Variants in CFAP96 observed in about 807,000 individuals in gnomAD.
CFAP96 encodes cilia and flagella associated protein 96.
At chr4:185,418,358 T>A in the CFAP96 span, 1 of 1,083,810 alleles carries the variant, frequency 9.2e-7, no homozygotes, top group Non-Finnish European at 1.3e-6. Context: ...ATAAGAGGGT[T>A]AAATTATTTC....
chr4:185,426,013 C>T, the CFAP96 span: 1 of 913,616 alleles, frequency 1.1e-6, no homozygotes. Context: ...CATGACGTCA[C>T]GGAGCGTACC....
the CFAP96 span, chr4:185,435,926 T>G: frequency 2.3e-5 from 16 of 706,430 alleles, no homozygotes; most frequent in Non-Finnish European, 3.3e-5. Flanking sequence ...AAAATGAAAT[T>G]AGATTAAAAC....
At chr4:185,418,356 G>A in the CFAP96 span, 1 of 1,054,840 alleles carries the variant, frequency 9.5e-7, no homozygotes, top group South Asian at 1.6e-5. Context: ...TGATAAGAGG[G>A]TTAAATTATT....
At chr4:185,408,512 G>C in the CFAP96 span, 2 of 1,417,998 alleles carry the variant, frequency 1.4e-6, no homozygotes, top group South Asian at 2.6e-5. Context: ...CCCGAATTAT[G>C]TTTAATGTTC....
At chr4:185,432,712 A>G in the CFAP96 span, among the ~76,000 whole-genome samples, 1 of 152,244 alleles carries the variant, frequency 6.6e-6, no homozygotes, top group East Asian at 1.9e-4. Flanking sequence ...AAGTTAAAAA[A>G]TTAGCTAGGT....
the CFAP96 span, among the ~76,000 whole-genome samples, chr4:185,409,006 C>T: frequency 1.5e-3 from 228 of 152,248 alleles, 1 homozygote; most frequent in African/African-American, 4.6e-3. Context: ...TATCTGCCTA[C>T]TTACACTAAT....
At chr4:185,425,414 T>C in the CFAP96 span, among the ~76,000 whole-genome samples, 1 of 152,162 alleles carries the variant, frequency 6.6e-6, no homozygotes, top group Non-Finnish European at 1.5e-5. Flanking sequence ...GGAGAACGCA[T>C]AGGGTGTAAA....
At chr4:185,441,519 G>T in the CFAP96 span, among the ~76,000 whole-genome samples, 1 of 151,904 alleles carries the variant, frequency 6.6e-6, no homozygotes, top group Non-Finnish European at 1.5e-5. Flanking sequence ...GATGTAGTCA[G>T]ATTTATCAGT....
chr4:185,411,914 C>T, the CFAP96 span, among the ~76,000 whole-genome samples: 1 of 152,116 alleles, frequency 6.6e-6, no homozygotes, highest in Admixed American at 6.5e-5. Context: ...CTATGCAATA[C>T]TAAAAGCGAC....
the CFAP96 span, among the ~76,000 whole-genome samples, chr4:185,433,415 AAAAGAAAAGT>A: frequency 3.2e-3 from 23 of 7,186 alleles, 1 homozygote; most frequent in East Asian, 0.038. Context: ...AAAAAAAAAG[AAAAGAAAAGT>A]AATGTTCATT....
At chr4:185,410,913 T>C in the CFAP96 span, among the ~76,000 whole-genome samples, 1 of 136,570 alleles carries the variant, frequency 7.3e-6, no homozygotes, top group Admixed American at 8.3e-5. Flanking sequence ...GCCACTGCAC[T>C]CCAGCCTGGG....
the CFAP96 span, chr4:185,415,603 T>C: frequency 4.7e-6 from 5 of 1,069,478 alleles, no homozygotes; most frequent in Middle Eastern, 2.1e-4. Context: ...AGGTTAATAA[T>C]AAACAAGGAG....
chr4:185,426,100 T>G, the CFAP96 span: 1 of 588,884 alleles, frequency 1.7e-6, no homozygotes, highest in Non-Finnish European at 3.1e-6. Context: ...ATTAGTTAAG[T>G]CTTTTCTGTC....
the CFAP96 span, among the ~76,000 whole-genome samples, chr4:185,448,748 A>G: frequency 2.0e-5 from 3 of 152,106 alleles, no homozygotes; most frequent in African/African-American, 7.2e-5. Flanking sequence ...TTTCCTCACC[A>G]CACCCACCCT....
At chr4:185,414,981 CTACT>C in the CFAP96 span, among the ~76,000 whole-genome samples, 7 of 152,084 alleles carry the variant, frequency 4.6e-5, no homozygotes, top group African/African-American at 1.4e-4. Context: ...GTCATTAATA[CTACT>C]TAAAGTTTCA....
At chr4:185,435,822 A>G in the CFAP96 span, among the ~76,000 whole-genome samples, 1 of 152,300 alleles carries the variant, frequency 6.6e-6, no homozygotes, top group Non-Finnish European at 1.5e-5. Flanking sequence ...CTAACTTCCT[A>G]AGGATTATGC....
chr4:185,429,256 A>C, the CFAP96 span: 1,214 of 499,914 alleles, frequency 2.4e-3, 6 homozygotes, highest in Non-Finnish European at 1.7e-3. Context: ...TCTCAGACTG[A>C]AAGTAATTAG....
chr4:185,445,929 C>T, the CFAP96 span, among the ~76,000 whole-genome samples: 4 of 152,138 alleles, frequency 2.6e-5, no homozygotes, highest in African/African-American at 4.8e-5. Context: ...ATAACCTCCA[C>T]CTCCCAGGTT....
At chr4:185,422,496 G>C in the CFAP96 span, 1 of 1,611,116 alleles carries the variant, frequency 6.2e-7, no homozygotes. Context: ...ATTAGGAGTA[G>C]CTAGCTGAAA....
Sources: allele counts gnomAD v4.1 joint callset (sites outside exome capture counted in the v4.1 genomes callset), GRCh38; gene constraint gnomAD v4.1.1; transcripts MANE v1.5; gene names NCBI Gene and HGNC (gene_info 2026-07-23, HGNC 2026-07-21).